ARHGAP6: variants seen among roughly 807,000 people sequenced by gnomAD.
ARHGAP6 encodes Rho GTPase activating protein 6.
In ARHGAP6, 16 loss-of-function variants were observed where a neutral mutation model predicts 55.7. That is an observed-to-expected ratio of 0.29 (90% CI 0.19 to 0.44). ARHGAP6 has a LOEUF of 0.44. ARHGAP6 is among the 20% of genes least tolerant of loss of function. The pLI, the probability that ARHGAP6 is intolerant of heterozygous loss-of-function variation, is 1.00. For synonymous variants in ARHGAP6, 382 were observed against 360.9 expected (o/e 1.06, Z -0.66); for missense variants, 698 against 808.9 (o/e 0.86, Z 1.66).
chrX:11,272,622 CT>C (rs2047705983), intron 1 of ARHGAP6, among the ~76,000 whole-genome samples: 1 of 109,519 alleles, frequency 9.1e-6, no homozygotes, highest in Non-Finnish European at 1.9e-5. Flanking sequence ...AGCTCAGATT[CT>C]TTTTTTCCTT....
chrX:11,458,990 TTCAA>T (rs2050219269), intron 1 of ARHGAP6, among the ~76,000 whole-genome samples: 1 of 110,745 alleles, frequency 9.0e-6, no homozygotes. Context: ...CAGGGTAGGC[TTCAA>T]TCAGAGTTTG....
chrX:11,337,663 C>G (rs1228602791), intron 1 of ARHGAP6, among the ~76,000 whole-genome samples: 1 of 112,683 alleles, frequency 8.9e-6, no homozygotes, highest in Non-Finnish European at 1.9e-5. Flanking sequence ...TAGATGAATA[C>G]TCAGTCTCCA....
intron 1 of ARHGAP6, chrX:11,298,935 G>T: frequency 8.3e-7 from 1 of 1,211,137 alleles, no homozygotes. Context: ...GACTCTGGAA[G>T]CTTGGCCATC....
At chrX:11,642,226 T>C (rs1051006790) in intron 1 of ARHGAP6, among the ~76,000 whole-genome samples, 10 of 111,844 alleles carry the variant, frequency 8.9e-5, no homozygotes, top group Non-Finnish European at 1.9e-4. Flanking sequence ...GCTGGAGACC[T>C]ATTCCAACTT....
rs771704075 is a variant in ARHGAP6 at position 11,450,434 on chromosome X, GA to G, written c.589-195728del. ...CTAAACAAGTAATACAATATGAGGA[GA>G]AGAGAAATGTTTTTCTGGAACTGAG... On this transcript the variant is annotated intron_variant, in intron 1 of 12. Transcript: ENST00000337414. Among the ~76,000 whole-genome samples, 657 of 111,995 alleles carry G rather than the reference GA, an allele frequency of 5.9e-3. 1 individual carries two copies. Among genetic ancestry groups the G allele is most frequent in the Non-Finnish European group, 8.3e-3 (439 of 53,201 alleles).
Position 11,432,957 on chromosome X carries a change from C to T in ARHGAP6, c.589-178250G>A, listed in dbSNP as rs201879657. ...CCATTTCAGGAATTATCATTTTACT[C>T]TATAGCCATAATTTCTTCCCACCCT... On this transcript the variant is annotated intron_variant, in intron 1 of 12. Coordinates refer to ENST00000337414, the MANE Select transcript of ARHGAP6 (RefSeq NM_013427.3). 3.5e-5 allele frequency among the ~76,000 whole-genome samples: 4 copies of T among 112,719 alleles called. No homozygotes were observed. The East Asian group carries it at 1.1e-3, about 31-fold the overall frequency.
intron 1 of ARHGAP6, chrX:11,351,346 A>ACGTGACC: frequency 1.0e-6 from 1 of 960,682 alleles, no homozygotes; most frequent in Non-Finnish European, 1.3e-6. Flanking sequence ...CATTCATATC[A>ACGTGACC]TATAACTAAA....
At chrX:11,234,696 G>A (rs2047175588) in intron 2 of ARHGAP6, among the ~76,000 whole-genome samples, 1 of 112,337 alleles carries the variant, frequency 8.9e-6, no homozygotes, top group African/African-American at 3.2e-5. Flanking sequence ...GCACTCCTTG[G>A]TAACTACCCA....
intron 1 of ARHGAP6, among the ~76,000 whole-genome samples, chrX:11,294,355 T>C (rs2048045877): frequency 8.9e-6 from 1 of 112,476 alleles, no homozygotes; most frequent in Non-Finnish European, 1.9e-5. Context: ...GCACGAGACA[T>C]TTCTGTGCCT....
chrX:11,342,722 T>A (rs1470686280), intron 1 of ARHGAP6, among the ~76,000 whole-genome samples: 1 of 112,467 alleles, frequency 8.9e-6, no homozygotes, highest in Non-Finnish European at 1.9e-5. Context: ...CACCTAACTT[T>A]ATACTAGTTT....
intron 1 of ARHGAP6, among the ~76,000 whole-genome samples, chrX:11,376,031 T>C (rs1233979128): frequency 9.1e-6 from 1 of 109,520 alleles, no homozygotes; most frequent in African/African-American, 3.3e-5. Flanking sequence ...GGGAAAGAAA[T>C]AGTAAAAAAG....
At chrX:11,405,541 T>C (rs764971415) in intron 1 of ARHGAP6, among the ~76,000 whole-genome samples, 173 of 111,954 alleles carry the variant, frequency 1.5e-3, no homozygotes, top group African/African-American at 5.4e-3. Context: ...TTATTACATA[T>C]CCATAAGAAA....
chrX:11,161,092 A>G (rs1290005055), intron 9 of ARHGAP6, among the ~76,000 whole-genome samples: 1 of 112,374 alleles, frequency 8.9e-6, no homozygotes, highest in Non-Finnish European at 1.9e-5. Context: ...AATTGGAGTC[A>G]GTGGGAAAAT....
At chrX:11,648,443 C>T (rs1468318255) in intron 1 of ARHGAP6, among the ~76,000 whole-genome samples, 1 of 112,051 alleles carries the variant, frequency 8.9e-6, no homozygotes, top group East Asian at 2.8e-4. Context: ...ATTTTCCCTA[C>T]AGTTTAAAAA....
At chrX:11,182,373 A>C (rs2046325237) in intron 5 of ARHGAP6, among the ~76,000 whole-genome samples, 1 of 111,704 alleles carries the variant, frequency 9.0e-6, no homozygotes, top group Non-Finnish European at 1.9e-5. Context: ...TATATTTCTA[A>C]TCTTCTCCTT....
chrX:11,276,463 A>G (rs150388377), intron 1 of ARHGAP6, among the ~76,000 whole-genome samples: 52 of 112,313 alleles, frequency 4.6e-4, no homozygotes, highest in East Asian at 5.6e-4. Context: ...AGCAGGGAAT[A>G]TTTATATTTA....
chrX:11,507,148 G>T (rs1054403666), intron 1 of ARHGAP6, among the ~76,000 whole-genome samples: 3 of 111,951 alleles, frequency 2.7e-5, no homozygotes, highest in African/African-American at 9.7e-5. Flanking sequence ...ATTCAGTAGA[G>T]AAAGTTGAGT....
chrX:11,467,984 GAATGAATGAATAAATAAATAAATA>G (rs1232838247), intron 1 of ARHGAP6, among the ~76,000 whole-genome samples: 4 of 45,777 alleles, frequency 8.7e-5, no homozygotes, highest in African/African-American at 3.1e-4. Flanking sequence ...TGTCTTAAAT[GAATGAATGAATAAATAAATAAATA>G]AATAAATAAA....
At chrX:11,148,946 C>T (rs1429640653) in intron 10 of ARHGAP6, among the ~76,000 whole-genome samples, 1 of 112,369 alleles carries the variant, frequency 8.9e-6, no homozygotes, top group Non-Finnish European at 1.9e-5. Flanking sequence ...GCTGGAGCAG[C>T]TTTGGAATCA....
Sources: gnomAD v4.1 joint callset for allele counts (sites outside exome capture counted in the v4.1 genomes callset) on GRCh38, gnomAD v4.1.1 for gene constraint, MANE v1.5 for transcripts, NCBI Gene and HGNC (gene_info 2026-07-23, HGNC 2026-07-21) for gene names.